NEGR1: variants seen among roughly 807,000 people sequenced by gnomAD.
NEGR1 encodes IgLON family member 4.
In NEGR1, 10 loss-of-function variants were observed where a neutral mutation model predicts 40.9. That is an observed-to-expected ratio of 0.24 (90% CI 0.15 to 0.42). NEGR1 has a LOEUF of 0.42. NEGR1 is among the 10% of genes least tolerant of loss of function. The pLI is 1.00. For synonymous variants in NEGR1, 185 were observed against 166.8 expected, an observed-to-expected ratio of 1.11 and a Z score of -0.84; for missense variants, 352 against 438.9, an observed-to-expected ratio of 0.80 and a Z score of 1.77.
chr1:71,726,710 C>T (rs2101658999), intron 3 of NEGR1, among the ~76,000 whole-genome samples: 1 of 152,118 alleles, frequency 6.6e-6, no homozygotes, highest in East Asian at 1.9e-4. Flanking sequence ...ATAGGTCCTG[C>T]AGTCACATGT....
chr1:71,716,347 T>A (rs1654276581), intron 3 of NEGR1, among the ~76,000 whole-genome samples: 1 of 152,072 alleles, frequency 6.6e-6, no homozygotes, highest in Admixed American at 6.5e-5. Flanking sequence ...AGGGTTATCA[T>A]GAGCATCAAA....
chr1:72,154,583 A>G (rs1178703306), intron 1 of NEGR1, among the ~76,000 whole-genome samples: 1 of 152,192 alleles, frequency 6.6e-6, no homozygotes, highest in East Asian at 1.9e-4. Flanking sequence ...TGGTTCAAAC[A>G]TTAACAAAGT....
intron 6 of NEGR1, among the ~76,000 whole-genome samples, chr1:71,438,022 T>G (rs1401970465): frequency 6.6e-6 from 1 of 152,250 alleles, no homozygotes; most frequent in African/African-American, 2.4e-5. Flanking sequence ...ATATTGTTCT[T>G]GCATCTATTT....
At chr1:71,407,606 A>G (rs769855770) in intron 6 of NEGR1, 36 bp from the exon 7 acceptor site, 47 of 1,605,536 alleles carry the variant, frequency 2.9e-5, no homozygotes, top group Non-Finnish European at 3.9e-5. Flanking sequence ...TCAAAATCTA[A>G]TTTGTGTCTT....
Position 71,400,391 on chromosome 1 carries a change from T to G in NEGR1, c.*7055A>C, listed in dbSNP as rs1646238839. ...TCAACTGTTACTTCATTTTTCTTAC[T>G]GTTTTTGATATAAAATTCCTGTTAT... On this transcript the variant is annotated 3_prime_UTR_variant, in exon 7 of 7. Transcript: ENST00000357731. The G allele has an allele frequency of 6.6e-6, 1 of 152,084 alleles. No individual in the cohort carries two copies. The highest frequency in any genetic ancestry group is 6.5e-5 in the Admixed American group (1 of 15,268). 9.4% of individuals were successfully genotyped at this position (152,084 alleles called of 1,614,324 possible). A position where few individuals can be genotyped will look rare whatever the true frequency, so the allele number is the denominator to read the frequency against.
chr1:71,862,703 T>C (rs370298542), intron 2 of NEGR1, among the ~76,000 whole-genome samples: 1 of 152,062 alleles, frequency 6.6e-6, no homozygotes, highest in East Asian at 1.9e-4. Flanking sequence ...CAAAAATACA[T>C]TTGAGGGCTA....
chr1:72,232,127 G>A (rs1296566539), intron 1 of NEGR1, among the ~76,000 whole-genome samples: 2 of 151,914 alleles, frequency 1.3e-5, no homozygotes, highest in Non-Finnish European at 2.9e-5. Flanking sequence ...AGGCTGAGGC[G>A]GGCGGATCAC....
At chr1:71,584,170 AT>A (rs1201019316) in intron 6 of NEGR1, among the ~76,000 whole-genome samples, 2 of 152,182 alleles carry the variant, frequency 1.3e-5, no homozygotes, top group Non-Finnish European at 2.9e-5. Flanking sequence ...ATTGAATTAC[AT>A]TTATAAAGAA....
chr1:71,665,844 C>T (rs1485655016), intron 4 of NEGR1, among the ~76,000 whole-genome samples: 1 of 152,136 alleles, frequency 6.6e-6, no homozygotes, highest in Non-Finnish European at 1.5e-5. Flanking sequence ...CCTCCTATGG[C>T]TCTAGTTATC....
rs541738298 is a variant in NEGR1, at chr1:71,708,214, G to A, written c.536-10075C>T. Among the ~76,000 whole-genome samples, 308 of 151,984 alleles carry A rather than the reference G, an allele frequency of 2.0e-3. 1 individual carries two copies. The highest frequency in any genetic ancestry group is 7.2e-3 in the African/African-American group (297 of 41,462). ...ATAGAGATATGTGCCCTTTCAAACAGAGGATTCAACATAGCTATGTTGAGA... is the reference window on the plus strand; with the variant it reads ...ATAGAGATATGTGCCCTTTCAAACAAAGGATTCAACATAGCTATGTTGAGA... On this transcript the variant is annotated intron_variant, in intron 3 of 6. Coordinates refer to ENST00000357731, the MANE Select transcript of NEGR1 (RefSeq NM_173808.3).
chr1:71,830,536 A>G (rs1658802592), intron 2 of NEGR1, among the ~76,000 whole-genome samples: 1 of 151,942 alleles, frequency 6.6e-6, no homozygotes, highest in Admixed American at 6.6e-5. Context: ...CTAGTGATAA[A>G]CCAACAACAA....
At chr1:71,720,591 C>CTTGTCTTTAGGCCTT (rs1332743874) in intron 3 of NEGR1, among the ~76,000 whole-genome samples, 1 of 152,074 alleles carries the variant, frequency 6.6e-6, no homozygotes, top group African/African-American at 2.4e-5. Flanking sequence ...CCCTTAAGGC[C>CTTGTCTTTAGGCCTT]TAAAGACAAG....
intron 1 of NEGR1, among the ~76,000 whole-genome samples, chr1:72,179,115 T>C (rs140669781): frequency 1.1e-3 from 161 of 152,168 alleles, no homozygotes; most frequent in Admixed American, 2.0e-3. Context: ...TAGATTTTCT[T>C]CTAAGGTATT....
chr1:72,276,654 G>T (rs1224323420), intron 1 of NEGR1, among the ~76,000 whole-genome samples: 1 of 151,816 alleles, frequency 6.6e-6, no homozygotes, highest in Non-Finnish European at 1.5e-5. Context: ...TATTCTTATG[G>T]TTTAACTTCT....
intron 1 of NEGR1, among the ~76,000 whole-genome samples, chr1:72,155,375 A>G (rs778832675): frequency 6.6e-6 from 1 of 152,088 alleles, no homozygotes; most frequent in Non-Finnish European, 1.5e-5. Flanking sequence ...TAGCCAAATC[A>G]TATAACCTAG....
At chr1:71,785,692 T>A (rs1294560633) in intron 2 of NEGR1, among the ~76,000 whole-genome samples, 2 of 152,196 alleles carry the variant, frequency 1.3e-5, no homozygotes, top group Non-Finnish European at 2.9e-5. Context: ...ATTTTCCCTA[T>A]AAACCAGAGG....
At chr1:72,235,367 G>T (rs1386475526) in intron 1 of NEGR1, among the ~76,000 whole-genome samples, 1 of 152,008 alleles carries the variant, frequency 6.6e-6, no homozygotes, top group Non-Finnish European at 1.5e-5. Flanking sequence ...TTCACAGTAA[G>T]AAATCAGGCA....
At chr1:71,633,025 T>G (rs534598402) in intron 4 of NEGR1, among the ~76,000 whole-genome samples, 3 of 152,148 alleles carry the variant, frequency 2.0e-5, no homozygotes, top group African/African-American at 7.2e-5. Context: ...TAGATATAAC[T>G]GCATATGTCT....
At chr1:72,033,594 C>G (rs1285755762) in intron 1 of NEGR1, among the ~76,000 whole-genome samples, 1 of 152,154 alleles carries the variant, frequency 6.6e-6, no homozygotes, top group African/African-American at 2.4e-5. Context: ...ATGCAACCAT[C>G]TTATGATAGA....
Sources: allele counts gnomAD v4.1 joint callset (sites outside exome capture counted in the v4.1 genomes callset), GRCh38; gene constraint gnomAD v4.1.1; transcripts MANE v1.5; gene names NCBI Gene and HGNC (gene_info 2026-07-23, HGNC 2026-07-21).